Variants in RCAN2 observed in about 807,000 individuals in gnomAD.
The protein encoded by RCAN2 is regulator of calcineurin 2, also known as calcipressin-2.
RCAN2 carries 9 observed loss-of-function variants against 23.6 expected under a neutral mutation model. That is an observed-to-expected ratio of 0.38 (90% CI 0.23 to 0.67). RCAN2 has a LOEUF of 0.67. RCAN2 is among the 30% of genes least tolerant of loss of function. The pLI, the probability that RCAN2 is intolerant of heterozygous loss-of-function variation, is 0.51. For synonymous variants in RCAN2, 109 were observed against 115.7 expected, an observed-to-expected ratio of 0.94 and a Z score of 0.37; for missense variants, 273 against 302.3, an observed-to-expected ratio of 0.90 and a Z score of 0.72.
chr6:46,350,158 G>A (rs1160999828), intron 2 of RCAN2, among the ~76,000 whole-genome samples: 2 of 152,178 alleles, frequency 1.3e-5, no homozygotes, highest in African/African-American at 2.4e-5. Flanking sequence ...TGTCAGTGCA[G>A]CATCCCCAGC....
chr6:46,359,151 G>C (rs1764923982), intron 2 of RCAN2, among the ~76,000 whole-genome samples: 1 of 152,186 alleles, frequency 6.6e-6, no homozygotes, highest in Admixed American at 6.5e-5. Context: ...AGCTGGTGCT[G>C]TTGCTGGTCC....
At chr6:46,329,261 T>A (rs1763887018) in intron 2 of RCAN2, among the ~76,000 whole-genome samples, 1 of 152,168 alleles carries the variant, frequency 6.6e-6, no homozygotes, top group African/African-American at 2.4e-5. Flanking sequence ...GGAAAAGTAT[T>A]CCCCAATCAG....
chr6:46,427,532 C>A (rs1033619827), intron 2 of RCAN2, among the ~76,000 whole-genome samples: 21 of 152,164 alleles, frequency 1.4e-4, no homozygotes, highest in Non-Finnish European at 3.1e-4. Flanking sequence ...TATCTTTCAT[C>A]TAATTGTTTC....
intron 2 of RCAN2, among the ~76,000 whole-genome samples, chr6:46,420,958 G>C (rs984707369): frequency 2.0e-5 from 3 of 152,174 alleles, no homozygotes; most frequent in African/African-American, 2.4e-5. Flanking sequence ...AGGCACTAAG[G>C]AGGCTGAGAT....
intron 2 of RCAN2, among the ~76,000 whole-genome samples, chr6:46,367,968 ATATATAATGGCCAGC>A (rs1561877362): frequency 6.6e-6 from 1 of 152,164 alleles, no homozygotes; most frequent in Non-Finnish European, 1.5e-5. Context: ...GCTCTAAATT[ATATATAATGGCCAGC>A]TATATCATTT....
chr6:46,266,703 A>T (rs1461701261), intron 2 of RCAN2, among the ~76,000 whole-genome samples: 1 of 152,170 alleles, frequency 6.6e-6, no homozygotes, highest in Non-Finnish European at 1.5e-5. Context: ...CTCAATTGTA[A>T]CTACTTTTCC....
chr6:46,447,151 T>A (rs1327680339), intron 2 of RCAN2, among the ~76,000 whole-genome samples: 1 of 151,984 alleles, frequency 6.6e-6, no homozygotes, highest in East Asian at 1.9e-4. Context: ...AGATATTCCA[T>A]GTAAATGCTA....
intron 1 of RCAN2, among the ~76,000 whole-genome samples, chr6:46,459,389 C>A (rs116672469): frequency 6.6e-6 from 1 of 152,242 alleles, no homozygotes; most frequent in Non-Finnish European, 1.5e-5. Context: ...AATCTAAAAT[C>A]CATTGCCGAA....
chr6:46,467,773 T>G (rs555849600), intron 1 of RCAN2, among the ~76,000 whole-genome samples: 1 of 152,370 alleles, frequency 6.6e-6, no homozygotes, highest in South Asian at 2.1e-4. Flanking sequence ...CCCTCTCACC[T>G]ACTCCAAAAT....
chr6:46,263,452 AGTGT>A (rs372510159), intron 2 of RCAN2, among the ~76,000 whole-genome samples: 10,284 of 123,634 alleles, frequency 0.083, 924 homozygotes, highest in African/African-American at 0.2. Context: ...GTCATCAGAG[AGTGT>A]GTGTGTGTGT....
intron 2 of RCAN2, among the ~76,000 whole-genome samples, chr6:46,292,306 CA>C (rs1388404125): frequency 6.6e-6 from 1 of 152,120 alleles, no homozygotes; most frequent in African/African-American, 2.4e-5. Context: ...ATTATTATTT[CA>C]ACTTTTTAAA....
rs562430175 is a variant in RCAN2 at position 46,230,846 on chromosome 6, G to A, written c.572-7545C>T. On this transcript the variant is annotated intron_variant, in intron 4 of 4. Transcript: ENST00000371374. ...ATCACCCATCTTCTGCATCACTCAC[G>A]CTGGGAGCTGTAGACTGGAGCTCTT... 4.7e-4 allele frequency among the ~76,000 whole-genome samples: 72 copies of A among 152,302 alleles called. 1 individual carries two copies. In the South Asian group the frequency reaches 0.013, roughly 27 times the overall value.
intron 1 of RCAN2, among the ~76,000 whole-genome samples, chr6:46,466,706 C>A (rs1356175988): frequency 6.6e-6 from 1 of 152,104 alleles, no homozygotes; most frequent in East Asian, 1.9e-4. Context: ...ACCAGGACAG[C>A]CACAAGATGA....
At chr6:46,430,221 G>C (rs143160728) in intron 2 of RCAN2, among the ~76,000 whole-genome samples, 74 of 152,316 alleles carry the variant, frequency 4.9e-4, no homozygotes, top group Non-Finnish European at 8.4e-4. Flanking sequence ...CCTGAAGCTT[G>C]GAGCAGGGAT....
intron 2 of RCAN2, among the ~76,000 whole-genome samples, chr6:46,438,966 G>T (rs1767448670): frequency 6.6e-6 from 1 of 152,082 alleles, no homozygotes; most frequent in African/African-American, 2.4e-5. Flanking sequence ...TACTTATATT[G>T]TATATCTTAG....
intron 2 of RCAN2, among the ~76,000 whole-genome samples, chr6:46,364,693 T>C (rs533950056): frequency 1.3e-5 from 2 of 152,328 alleles, no homozygotes; most frequent in Admixed American, 1.3e-4. Flanking sequence ...TGCTGACTGT[T>C]GGTGCCCACC....
chr6:46,285,339 G>A (rs1165325115), intron 2 of RCAN2, among the ~76,000 whole-genome samples: 2 of 152,166 alleles, frequency 1.3e-5, no homozygotes, highest in Non-Finnish European at 2.9e-5. Flanking sequence ...ATTGCTCTAG[G>A]TGATCTTATG....
At chr6:46,444,662 C>G (rs1017284157) in intron 2 of RCAN2, among the ~76,000 whole-genome samples, 1 of 152,196 alleles carries the variant, frequency 6.6e-6, no homozygotes, top group Non-Finnish European at 1.5e-5. Context: ...CCAAGCCAGT[C>G]CCTACAGCCT....
intron 4 of RCAN2, among the ~76,000 whole-genome samples, chr6:46,231,958 G>C (rs1024173119): frequency 1.3e-5 from 2 of 152,212 alleles, no homozygotes; most frequent in East Asian, 3.9e-4. Flanking sequence ...AGCCATTGAA[G>C]TATGGCTGAT....
Sources: allele counts gnomAD v4.1 joint callset (sites outside exome capture counted in the v4.1 genomes callset), GRCh38; gene constraint gnomAD v4.1.1; transcripts MANE v1.5; gene names NCBI Gene and HGNC (gene_info 2026-07-23, HGNC 2026-07-21).